Variants in SMC1A observed in about 807,000 individuals in gnomAD.
SMC1A encodes the protein structural maintenance of chromosomes protein 1A.
SMC1A carries 4 observed loss-of-function variants against 94.5 expected under a neutral mutation model. That is an observed-to-expected ratio of 0.04 (90% confidence interval 0.02 to 0.10). SMC1A has a LOEUF of 0.10. Among genes scored for constraint, SMC1A ranks in the 10% least tolerant of loss-of-function variants. The pLI, the probability that SMC1A is intolerant of heterozygous loss-of-function variation, is 1.00. For missense variants in SMC1A, 304 were observed against 989.0 expected (o/e 0.31, Z 9.29); for synonymous variants, 345 against 347.7 (o/e 0.99, Z 0.09).
Position 53,394,774 on chromosome X carries a change from T to A in SMC1A, c.2973+4A>T. ...CCCACCACACCCCTGTGGTTGATCC[T>A]CACCTTCAGATCCTCACACAGATCA... On this transcript the variant is annotated splice_donor_region_variant and intron_variant, in intron 19 of 24. Coordinates refer to ENST00000322213, the MANE Select transcript of SMC1A (RefSeq NM_006306.4). The A allele has an allele frequency of 6.5e-6, 4 of 610,909 alleles. No homozygotes were observed. Among genetic ancestry groups the A allele is most frequent in the Non-Finnish European group, 9.5e-6 (4 of 422,856 alleles). The allele number at this position is 610,909 out of a possible 1,213,427, so 50.3% of individuals were successfully genotyped here.
At chrX:53,414,920 A>T (rs1556891077) in intron 2 of SMC1A, 50 bp from the exon 3 acceptor site, 2 of 1,193,923 alleles carry the variant, frequency 1.7e-6, no homozygotes, top group Non-Finnish European at 2.3e-6. Context: ...TTCCTGTCCC[A>T]ATCAACTAGT....
intron 9 of SMC1A, among the ~76,000 whole-genome samples, chrX:53,407,003 CTATTTA>C (rs2075693897): frequency 1.8e-5 from 2 of 112,118 alleles, no homozygotes; most frequent in African/African-American, 3.2e-5. Context: ...CAGCATCTTT[CTATTTA>C]TTACATGATT....
Position 53,415,120 on chromosome X carries a change from G to A in SMC1A, c.159C>T (p.Thr53=). The change falls in exon 2 of 25, where the codon ACC becomes ACT. Residue 53 remains threonine (T), a synonymous_variant. Coordinates refer to ENST00000322213, the MANE Select transcript of SMC1A (RefSeq NM_006306.4). ...DAISFVLGEK[T]SNLRVKTLRD... is the part of the protein sequence containing the mutation. ...GCAGGGTCTTTACCCGCAGGTTGCT[G>A]GTTTTTTCACCTAGCACAAAGCTGA... 1 of 1,211,303 alleles carries A rather than the reference G, an allele frequency of 8.3e-7. No individual in the cohort carries two copies. The highest frequency in any genetic ancestry group is 1.1e-6 in the Non-Finnish European group (1 of 895,196).
In SMC1A at chrX:53,413,055, C is replaced by T. The variant is rs145319852; in HGVS notation, c.699G>A (p.Val233=). 986 of 1,209,610 alleles carry T rather than the reference C, an allele frequency of 8.2e-4. 7 individuals are homozygous for T. The African/African-American group carries it at 0.016, about 19-fold the overall frequency. The change falls in exon 5 of 25, where the codon GTG becomes GTA. Residue 233 remains valine, a synonymous_variant. Transcript: ENST00000322213. ...GTTCCTTGTTGAGCTTCTCAATTTC[C>T]ACTTCATTATGGTAAAGCTTAAAGA... ...LQLFKLYHNE[V]EIEKLNKELA...
At chrX:53,409,628 T>A (rs1332598800) in intron 7 of SMC1A, 125 bp from the exon 8 acceptor site, 1 of 561,237 alleles carries the variant, frequency 1.8e-6, no homozygotes, top group African/African-American at 2.2e-5. Flanking sequence ...AATCTGTCAC[T>A]AATATAGGAG....
intron 15 of SMC1A, among the ~76,000 whole-genome samples, chrX:53,402,106 CTA>C (rs1288630092): frequency 9.0e-6 from 1 of 111,339 alleles, no homozygotes; most frequent in Non-Finnish European, 1.9e-5. Flanking sequence ...CCCCAGTACT[CTA>C]TATGTTTCCT....
At chrX:53,418,354 C>T (rs1207935103) in intron 1 of SMC1A, among the ~76,000 whole-genome samples, 2 of 111,414 alleles carry the variant, frequency 1.8e-5, no homozygotes, top group Non-Finnish European at 1.9e-5. Flanking sequence ...AGGCTGGTCT[C>T]GAATTCCTGA....
chrX:53,406,616 G>A (rs781932465), intron 9 of SMC1A, among the ~76,000 whole-genome samples: 28 of 111,771 alleles, frequency 2.5e-4, no homozygotes, highest in African/African-American at 9.1e-4. Context: ...CCTCACCCTA[G>A]GAGACATTTT....
At position 53,413,222 on chromosome X, in the gene SMC1A, G is replaced by T; in HGVS notation, c.615+10C>A. 8.3e-7 allele frequency: 1 copy of T among 1,211,609 alleles called. No homozygotes were observed. The highest frequency in any genetic ancestry group is 1.1e-6 in the Non-Finnish European group (1 of 895,469). On this transcript the variant is annotated intron_variant, in intron 4 of 24. Coordinates refer to ENST00000322213, the MANE Select transcript of SMC1A (RefSeq NM_006306.4). Reference sequence around the variant, plus strand: ...GTCCCTCAGAGCCAAGAGGTAGCTTGGCCACCTACCTCTTCTTTCTCCTGC... The same window carrying T: ...GTCCCTCAGAGCCAAGAGGTAGCTTTGCCACCTACCTCTTCTTTCTCCTGC...
At chrX:53,417,288 C>T (rs1404689581) in intron 1 of SMC1A, among the ~76,000 whole-genome samples, 2 of 110,119 alleles carry the variant, frequency 1.8e-5, no homozygotes, top group African/African-American at 6.6e-5. Context: ...CGGTGGCTCA[C>T]GCCTGTTATC....
chrX:53,383,134 C>T lies in SMC1A; in HGVS notation c.3093G>A (p.Leu1031=). The change falls in exon 20 of 25, where the codon CTG becomes CTA. Residue 1031 remains leucine, a synonymous_variant. Coordinates refer to ENST00000322213, the MANE Select transcript of SMC1A (RefSeq NM_006306.4). ...CCTGGAACTTGTCTCGGACACTTTC[C>T]AGCTTTTCCATGGCCTTCATGTTGG... ...AAPNMKAMEK[L]ESVRDKFQET... 8.3e-7 allele frequency: 1 copy of T among 1,208,916 alleles called. No homozygotes were observed. Among genetic ancestry groups the T allele is most frequent in the Admixed American group, 2.2e-5 (1 of 45,846 alleles).
intron 19 of SMC1A, 47 bp downstream of exon 19, chrX:53,394,731 T>TTCCCCCCCCCCCCC: frequency 2.4e-6 from 1 of 416,227 alleles, no homozygotes; most frequent in Non-Finnish European, 4.4e-6. Flanking sequence ...ATAGTCCCAC[T>TTCCCCCCCCCCCCC]CCCACCCAAC....
chrX:53,409,450 C>T lies in SMC1A; in HGVS notation c.1308G>A (p.Glu436=). The T allele has an allele frequency of 8.3e-7, 1 of 1,210,211 alleles. No individual in the cohort carries two copies. Among genetic ancestry groups the T allele is most frequent in the Non-Finnish European group, 1.1e-6 (1 of 894,287 alleles). Residue 436 remains glutamate (E), a synonymous_variant, in exon 8 of 25, where the codon GAG becomes GAA. Transcript: ENST00000322213. ...REIEENQKRI[E]KLEEYITTSK... ...TAGTGGTGATGTATTCCTCCAGTTT[C>T]TCAATCCGCTTCTGATTCTCTTCAA...
At chrX:53,381,129 G>C (rs1556885833) in intron 22 of SMC1A, 42 bp from the exon 23 acceptor site, 1 of 859,264 alleles carries the variant, frequency 1.2e-6, no homozygotes, top group South Asian at 2.0e-5. Context: ...GAGGCGGGGA[G>C]GGGGTGGCAA....
At chrX:53,421,256 G>C (rs782191411) in intron 1 of SMC1A, among the ~76,000 whole-genome samples, 1 of 112,113 alleles carries the variant, frequency 8.9e-6, no homozygotes, top group East Asian at 2.8e-4. Flanking sequence ...AATGTCTAGA[G>C]ACAGTTTTGA....
rs782653434 is a variant in SMC1A at position 53,405,795 on chromosome X, G to A, written c.1707C>T (p.Thr569=). The change falls in exon 10 of 25, where the codon ACC becomes ACT. Residue 569 remains threonine (T), a synonymous_variant. Transcript: ENST00000322213. ...YIKEQRGEPE[T]FLPLDYLEVK... is the part of the protein sequence containing the mutation. ...CCTCCAGGTAGTCAAGAGGCAAGAA[G>A]GTCTCAGGCTCCCCACGCTGCTCCT... The A allele has an allele frequency of 8.3e-7, 1 of 1,208,605 alleles. No homozygotes were observed. Among genetic ancestry groups the A allele is most frequent in the East Asian group, 3.0e-5 (1 of 33,717 alleles).
chrX:53,388,726 G>A (rs1384320221), intron 19 of SMC1A, among the ~76,000 whole-genome samples: 4 of 109,644 alleles, frequency 3.6e-5, no homozygotes, highest in Non-Finnish European at 7.6e-5. Context: ...GGCCAGGCAC[G>A]GTGGCTCACA....
At chrX:53,406,581 A>T (rs1208833644) in intron 9 of SMC1A, among the ~76,000 whole-genome samples, 4 of 112,047 alleles carry the variant, frequency 3.6e-5, no homozygotes, top group Admixed American at 9.5e-5. Context: ...AACAAGATTG[A>T]ATAGAAGCCT....
rs782569064 is a variant in SMC1A at position 53,376,387 on chromosome X, G to A, written c.*3716C>T. ...TTCAAGATTCCAAATCTTCACCCCA[G>A]ACTTAATGAATGTTTTAGGGGCCGG... On this transcript the variant is annotated 3_prime_UTR_variant, in exon 25 of 25. Coordinates refer to ENST00000322213, the MANE Select transcript of SMC1A (RefSeq NM_006306.4). The A allele has an allele frequency of 3.6e-5, 4 of 111,514 alleles. No homozygotes were observed. In the South Asian group the frequency reaches 1.1e-3, roughly 32 times the overall value. The allele number at this position is 111,514 out of a possible 1,213,427, so 9.2% of individuals were successfully genotyped here.
Sources: allele counts gnomAD v4.1 joint callset (sites outside exome capture counted in the v4.1 genomes callset), GRCh38; gene constraint gnomAD v4.1.1; transcripts MANE v1.5; gene names NCBI Gene and HGNC (gene_info 2026-07-23, HGNC 2026-07-21).